The following PBRM1 variants were observed in gnomAD, a reference collection of about 807,000 sequenced individuals.
PBRM1 encodes polybromo 1, also known as protein polybromo-1.
PBRM1 carries 27 observed loss-of-function variants against 194.5 expected under a neutral mutation model. That is an observed-to-expected ratio of 0.14 (90% CI 0.10 to 0.19). PBRM1 has a LOEUF of 0.19. PBRM1 is among the 10% of genes least tolerant of loss of function. The pLI is 1.00. For synonymous variants in PBRM1, 655 were observed against 693.2 expected, an observed-to-expected ratio of 0.94 and a Z score of 0.87; for missense variants, 1,466 against 2,077.2, an observed-to-expected ratio of 0.71 and a Z score of 5.72.
intron 22 of PBRM1, among the ~76,000 whole-genome samples, chr3:52,565,408 T>G (rs987191500): frequency 8.6e-5 from 13 of 151,226 alleles, no homozygotes; most frequent in Non-Finnish European, 1.5e-4. Flanking sequence ...CTCAGGAGGC[T>G]GAGGCAGAAG....
chr3:52,679,582 C>T (rs747627905), exon 1 of PBRM1: 2 of 1,612,928 alleles, frequency 1.2e-6, no homozygotes, highest in South Asian at 2.2e-5. Context: ...ACAGGATCTA[C>T]AGTTGGAAGA....
upstream of PBRM1, chr3:52,681,184 G>A (rs1029893473): frequency 2.6e-5 from 4 of 151,702 alleles, no homozygotes; most frequent in African/African-American, 9.7e-5. Context: ...ATTAGAACAG[G>A]AGAACACTGG....
chr3:52,652,935 T>A (rs1463489086), intron 5 of PBRM1, among the ~76,000 whole-genome samples: 2 of 151,802 alleles, frequency 1.3e-5, no homozygotes, highest in East Asian at 3.9e-4. Context: ...GAGATGGAGG[T>A]TGCAGTGAGC....
intron 22 of PBRM1, among the ~76,000 whole-genome samples, chr3:52,565,564 T>C (rs536987156): frequency 3.3e-5 from 5 of 150,778 alleles, no homozygotes; most frequent in Non-Finnish European, 7.4e-5. Flanking sequence ...CAAAGGATAC[T>C]ATCAAGAAAG....
intron 13 of PBRM1, among the ~76,000 whole-genome samples, chr3:52,618,915 C>G (rs2095126602): frequency 6.6e-6 from 1 of 152,188 alleles, no homozygotes; most frequent in African/African-American, 2.4e-5. Flanking sequence ...CCACGCTTGG[C>G]TAATTTTGTA....
chr3:52,680,958 C>A (rs949737582), upstream of PBRM1, among the ~76,000 whole-genome samples: 3 of 151,952 alleles, frequency 2.0e-5, no homozygotes, highest in Non-Finnish European at 4.4e-5. Flanking sequence ...CAGTTTCACT[C>A]ATCAACACTG....
At chr3:52,597,179 G>A (rs1229101011) in intron 17 of PBRM1, among the ~76,000 whole-genome samples, 3 of 152,222 alleles carry the variant, frequency 2.0e-5, no homozygotes, top group Admixed American at 6.5e-5. Flanking sequence ...TATGGGAGAA[G>A]GGTGGTGCCA....
At chr3:52,555,910 AT>A (rs1464491394) in intron 26 of PBRM1, among the ~76,000 whole-genome samples, 2 of 152,182 alleles carry the variant, frequency 1.3e-5, no homozygotes, top group Non-Finnish European at 2.9e-5. Flanking sequence ...ACCACATGGC[AT>A]TTTTTTAAAA....
At chr3:52,641,998 G>A (rs1455995188) in exon 10 of PBRM1, 1 of 1,608,280 alleles carries the variant, frequency 6.2e-7, no homozygotes, top group Non-Finnish European at 8.5e-7. Context: ...ATATTGAAGT[G>A]CCATTGTAAT....
chr3:52,551,020 G>C (rs1047150335), intron 27 of PBRM1, among the ~76,000 whole-genome samples: 1 of 152,174 alleles, frequency 6.6e-6, no homozygotes, highest in African/African-American at 2.4e-5. Context: ...TATAATACTA[G>C]AACAATCTGT....
At chr3:52,612,279 A>AAAAAAAAAAAAAAAC (rs2094674502) in intron 15 of PBRM1, among the ~76,000 whole-genome samples, 1 of 149,982 alleles carries the variant, frequency 6.7e-6, no homozygotes, top group Non-Finnish European at 1.5e-5. Flanking sequence ...AAAAAAAAAA[A>AAAAAAAAAAAAAAAC]AAAGAGGTAT....
At chr3:52,630,935 A>C (rs879598794) in intron 11 of PBRM1, among the ~76,000 whole-genome samples, 21 of 152,232 alleles carry the variant, frequency 1.4e-4, no homozygotes, top group Non-Finnish European at 2.8e-4. Context: ...ATAATGAAGG[A>C]GAAAGGAAAC....
At chr3:52,626,431 C>G (rs754684943) in intron 13 of PBRM1, among the ~76,000 whole-genome samples, 2 of 152,188 alleles carry the variant, frequency 1.3e-5, no homozygotes, top group Admixed American at 1.3e-4. Context: ...TAGACTGTGT[C>G]AACAGTTACT....
chr3:52,637,771 T>TGA (rs2095875505), intron 10 of PBRM1, among the ~76,000 whole-genome samples: 1 of 20,988 alleles, frequency 4.8e-5, no homozygotes, highest in Non-Finnish European at 1.0e-4. Context: ...CTACTAAAAA[T>TGA]ACAAAAAAAA....
At chr3:52,675,666 A>G (rs577916209) in intron 2 of PBRM1, among the ~76,000 whole-genome samples, 5 of 152,322 alleles carry the variant, frequency 3.3e-5, no homozygotes, top group African/African-American at 9.6e-5. Flanking sequence ...CTGGTATAAA[A>G]ACAGACACAG....
At chr3:52,561,360 C>T (rs1392758507) in intron 25 of PBRM1, among the ~76,000 whole-genome samples, 1 of 152,154 alleles carries the variant, frequency 6.6e-6, no homozygotes, top group East Asian at 1.9e-4. Context: ...AAATATATGG[C>T]TTACCAAGAG....
chr3:52,596,165 C>T (rs1034854407), intron 17 of PBRM1, among the ~76,000 whole-genome samples: 5 of 151,856 alleles, frequency 3.3e-5, no homozygotes, highest in East Asian at 1.9e-4. Flanking sequence ...TGTGGCTGGG[C>T]GCGGTGGCTC....
chr3:52,683,210 T>TAA (rs202187760), upstream of PBRM1, among the ~76,000 whole-genome samples: 67 of 145,682 alleles, frequency 4.6e-4, no homozygotes, highest in East Asian at 1.6e-3. Flanking sequence ...CTCAAAAAAA[T>TAA]AATAAAAAAA....
intron 17 of PBRM1, among the ~76,000 whole-genome samples, chr3:52,592,113 C>T (rs974802976): frequency 1.3e-5 from 2 of 148,362 alleles, no homozygotes; most frequent in Non-Finnish European, 3.0e-5. Context: ...GTGTGAGCCA[C>T]TGCACCAGGT....
Sources: allele counts gnomAD v4.1 joint callset (sites outside exome capture counted in the v4.1 genomes callset), GRCh38; gene constraint gnomAD v4.1.1; transcripts MANE v1.5; gene names NCBI Gene and HGNC (gene_info 2026-07-23, HGNC 2026-07-21).